TAS2R30: variants seen among roughly 807,000 people sequenced by gnomAD.
The protein encoded by TAS2R30 is taste receptor type 2 member 30.
For missense variants in TAS2R30, 395 were observed against 371.6 expected (o/e 1.06, Z -0.52); for synonymous variants, 141 against 131.6 (o/e 1.07, Z -0.49).
chr12:11,133,202 T>G (rs1252768175), exon 1 of TAS2R30: 1 of 1,504,290 alleles, frequency 6.6e-7, no homozygotes, highest in South Asian at 1.4e-5. Flanking sequence ...TAGGTATACA[T>G]GTGGAAATTA....
At chr12:11,133,946 G>T (rs1946465406) in exon 1 of TAS2R30, 1 of 1,614,016 alleles carries the variant, frequency 6.2e-7, no homozygotes, top group Non-Finnish European at 8.5e-7. Context: ...GCTGAGGCTA[G>T]TAGCAAGCCA....
At position 11,133,096 on chromosome 12, in the gene TAS2R30, T is replaced by C. The variant is rs528614628; in HGVS notation, c.*189A>G. On this transcript the variant is annotated 3_prime_UTR_variant, in exon 1 of 1. Coordinates refer to ENST00000539585, the Ensembl canonical transcript of TAS2R30. ...TGAAAAAACAATAAAAAGCATGTTA[T>C]TGTCAATGTTCTTCAGTTTTTCATA... 2.1e-4 allele frequency: 136 copies of C among 639,022 alleles called. No individual in the cohort carries two copies. The African/African-American group carries it at 2.2e-3, about 10-fold the overall frequency. The allele number at this position is 639,022 out of a possible 1,614,324, so 39.6% of individuals were successfully genotyped here.
chr12:11,133,461 T>G, exon 1 of TAS2R30: 1 of 1,614,088 alleles, frequency 6.2e-7, no homozygotes, highest in Non-Finnish European at 8.5e-7. Context: ...TGGCAGAACA[T>G]GAAGACAGGT....
chr12:11,133,165 A>G (rs763416836), exon 1 of TAS2R30: 114 of 1,226,040 alleles, frequency 9.3e-5, no homozygotes, highest in Non-Finnish European at 9.1e-5. Context: ...GTACTTTTCT[A>G]GACTAACTTT....
exon 1 of TAS2R30, chr12:11,133,695 T>C (rs758365136): frequency 6.2e-7 from 1 of 1,614,238 alleles, no homozygotes; most frequent in Non-Finnish European, 8.5e-7. Flanking sequence ...GGTACAAAGT[T>C]TGCTAGCATG....
exon 1 of TAS2R30, chr12:11,134,178 C>G: frequency 6.2e-7 from 1 of 1,613,872 alleles, no homozygotes; most frequent in Non-Finnish European, 8.5e-7. Context: ...AAGCCATTAG[C>G]AAAATTTCCA....
exon 1 of TAS2R30, chr12:11,134,129 T>G (rs759532307): frequency 8.1e-6 from 13 of 1,614,038 alleles, no homozygotes; most frequent in African/African-American, 2.7e-5. Flanking sequence ...GGAGATCTTT[T>G]GTCTCTTGAC....
At chr12:11,133,619 A>G (rs779532901) in exon 1 of TAS2R30, 2 of 1,614,280 alleles carry the variant, frequency 1.2e-6, no homozygotes, top group Admixed American at 1.7e-5. Context: ...ATGGAGCTGC[A>G]TCTTCTTGAG....
chr12:11,133,590 G>A lies in TAS2R30; in HGVS notation c.655C>T (p.Pro219Ser), dbSNP rs777088000. Residue 219 changes from proline (P) to serine (S), a missense_variant, in exon 1 of 1, where the codon CCC becomes TCC. By Grantham distance (74) the Pro-to-Ser change is moderately conservative. Coordinates refer to ENST00000539585, the Ensembl canonical transcript of TAS2R30. ...GCTTTTATGTGGACCTTGGTGCTGG[G>A]ATCTTGAGATCCTTTGCCATGGAGC... The A allele has an allele frequency of 5.6e-6, 9 of 1,614,148 alleles. No individual in the cohort carries two copies. In the Admixed American group the frequency reaches 1.2e-4, roughly 21 times the overall value.
At chr12:11,133,764 T>C in exon 1 of TAS2R30, 1 of 1,614,202 alleles carries the variant, frequency 6.2e-7, no homozygotes, top group Non-Finnish European at 8.5e-7. Flanking sequence ...CAAGTCACGT[T>C]TCCTTCATAT....
exon 1 of TAS2R30, chr12:11,133,948 A>G: frequency 6.2e-7 from 1 of 1,614,174 alleles, no homozygotes; most frequent in East Asian, 2.2e-5. Context: ...TGAGGCTAGT[A>G]GCAAGCCAGC....
exon 1 of TAS2R30, chr12:11,134,124 T>A (rs746632279): frequency 8.1e-6 from 13 of 1,613,994 alleles, no homozygotes; most frequent in Non-Finnish European, 8.5e-6. Context: ...ACAAAGGAGA[T>A]CTTTTGTCTC....
Position 11,134,434 on chromosome 12 carries a change from T to C in TAS2R30, c.-190A>G, listed in dbSNP as rs986259688. On this transcript the variant is annotated 5_prime_UTR_variant, in exon 1 of 1. Coordinates refer to ENST00000539585, the Ensembl canonical transcript of TAS2R30. ...ATGGCATGCTAATGGATAAGTTCAA[T>C]GCTCTCTTTATGGAAAACATTCTTA... The C allele has an allele frequency of 1.9e-4, 124 of 666,794 alleles. No homozygotes were observed. In the African/African-American group the frequency reaches 2.1e-3, roughly 11 times the overall value. The allele number at this position is 666,794 out of a possible 1,614,324, so 41.3% of individuals were successfully genotyped here. A position where few individuals can be genotyped will look rare whatever the true frequency, so the allele number is the denominator to read the frequency against.
chr12:11,134,254 G>C, exon 1 of TAS2R30: 2 of 1,596,628 alleles, frequency 1.3e-6, no homozygotes, highest in South Asian at 1.1e-5. Context: ...TGTCTGAACA[G>C]ACAAAAAGAA....
exon 1 of TAS2R30, chr12:11,133,252 A>G: frequency 6.4e-7 from 1 of 1,554,222 alleles, no homozygotes. Context: ...TAAGAAATAT[A>G]AAATGTTTCA....
chr12:11,134,378 T>G, exon 1 of TAS2R30: 1 of 1,117,308 alleles, frequency 9.0e-7, no homozygotes, highest in Non-Finnish European at 1.2e-6. Context: ...TACTTTTAAT[T>G]GCTGTGACCA....
rs1195614744 is a variant in TAS2R30 at position 11,133,809 on chromosome 12, C to A, written c.436G>T (p.Val146Leu). 1 of 1,614,120 alleles carries A rather than the reference C, an allele frequency of 6.2e-7. No individual in the cohort carries two copies. The highest frequency in any genetic ancestry group is 1.7e-5 in the Admixed American group (1 of 60,014). The change falls in exon 1 of 1, where the codon GTG (valine) becomes TTG (leucine). Residue 146 changes from valine to leucine, a missense_variant. Transcript: ENST00000539585. Reference sequence around the variant, plus strand: ...CATACAGTCTCATCCATGTTTATCACAAAAAGATGACAAACCAAAAATAGC... The same window carrying A: ...CATACAGTCTCATCCATGTTTATCAAAAAAAGATGACAAACCAAAAATAGC...
At chr12:11,134,218 A>T in exon 1 of TAS2R30, 1 of 1,613,224 alleles carries the variant, frequency 6.2e-7, no homozygotes, top group Non-Finnish European at 8.5e-7. Flanking sequence ...TTAGAATGGA[A>T]AAAATGATGG....
chr12:11,133,615 C>T, exon 1 of TAS2R30: 1 of 1,570,662 alleles, frequency 6.4e-7, no homozygotes, highest in Non-Finnish European at 8.6e-7. Flanking sequence ...TGCCATGGAG[C>T]TGCATCTTCT....
Sources: allele counts gnomAD v4.1 joint callset, GRCh38; gene constraint gnomAD v4.1.1; transcripts MANE v1.5; gene names NCBI Gene and HGNC (gene_info 2026-07-23, HGNC 2026-07-21).